The following IL1RAPL2 variants were observed in gnomAD, a reference collection of about 807,000 sequenced individuals.
IL1RAPL2 encodes the protein interleukin 1 receptor accessory protein like 2, also known as X-linked interleukin-1 receptor accessory protein-like 2.
IL1RAPL2 carries 3 observed loss-of-function variants against 44.1 expected under a neutral mutation model. The ratio of observed to expected loss-of-function variants is 0.07; its 90% CI spans 0.03 to 0.18. The LOEUF is 0.18. IL1RAPL2 is among the 10% of genes least tolerant of loss of function. The pLI, the probability that IL1RAPL2 is intolerant of heterozygous loss-of-function variation, is 1.00. For missense variants in IL1RAPL2, 391 were observed against 496.4 expected, an observed-to-expected ratio of 0.79 and a Z score of 2.02; for synonymous variants, 181 against 178.8, an observed-to-expected ratio of 1.01 and a Z score of -0.10.
At chrX:104,837,572 T>C (rs1194845429) in intron 2 of IL1RAPL2, among the ~76,000 whole-genome samples, 1 of 111,533 alleles carries the variant, frequency 9.0e-6, no homozygotes, top group Non-Finnish European at 1.9e-5. Context: ...TTTGATGGGG[T>C]TGTTTGTTTT....
At chrX:105,059,624 G>A (rs981905551) in intron 2 of IL1RAPL2, among the ~76,000 whole-genome samples, 5 of 111,033 alleles carry the variant, frequency 4.5e-5, no homozygotes, top group East Asian at 2.8e-4. Context: ...TCTGCCTCCC[G>A]GGTTCAAGTG....
At chrX:104,983,355 A>AT (rs1407881265) in intron 2 of IL1RAPL2, among the ~76,000 whole-genome samples, 3 of 101,035 alleles carry the variant, frequency 3.0e-5, no homozygotes, top group African/African-American at 1.1e-4. Context: ...TATATATATA[A>AT]AATATTTGCT....
intron 1 of IL1RAPL2, among the ~76,000 whole-genome samples, chrX:104,618,591 C>G (rs745985728): frequency 1.8e-5 from 2 of 111,338 alleles, no homozygotes; most frequent in East Asian, 5.7e-4. Context: ...GACCCCTGCA[C>G]CAATATTTCT....
At chrX:105,433,653 G>A (rs1029441864) in intron 5 of IL1RAPL2, among the ~76,000 whole-genome samples, 14 of 111,234 alleles carry the variant, frequency 1.3e-4, no homozygotes, top group African/African-American at 2.6e-4. Context: ...AGACAGTCCC[G>A]TGATTATTGT....
At chrX:105,419,399 A>G (rs1185468475) in intron 5 of IL1RAPL2, among the ~76,000 whole-genome samples, 1 of 111,790 alleles carries the variant, frequency 8.9e-6, no homozygotes, top group African/African-American at 3.2e-5. Context: ...TTTTACAGTC[A>G]CCACATACAC....
intron 2 of IL1RAPL2, among the ~76,000 whole-genome samples, chrX:104,889,032 G>C (rs377303293): frequency 1.8e-5 from 2 of 110,928 alleles, no homozygotes; most frequent in African/African-American, 6.6e-5. Context: ...CCCCATCAGC[G>C]TAATTACACC....
intron 5 of IL1RAPL2, among the ~76,000 whole-genome samples, chrX:105,417,299 C>A (rs924896601): frequency 7.2e-5 from 8 of 111,570 alleles, no homozygotes; most frequent in Admixed American, 9.5e-5. Context: ...ATGGTGAAAC[C>A]CCATCTCTAC....
At chrX:105,069,811 G>A (rs1051907660) in intron 2 of IL1RAPL2, among the ~76,000 whole-genome samples, 2 of 111,821 alleles carry the variant, frequency 1.8e-5, no homozygotes, top group African/African-American at 6.5e-5. Flanking sequence ...TTGATTTTCT[G>A]TTTCTTGCTT....
At position 105,254,123 on chromosome X, in the gene IL1RAPL2, G is replaced by A. The variant is rs1051612651; in HGVS notation, c.544-13265G>A. 7.2e-5 allele frequency among the ~76,000 whole-genome samples: 8 copies of A among 111,442 alleles called. No individual in the cohort carries two copies. In the Admixed American group the frequency reaches 7.6e-4, roughly 11 times the overall value. ...TTTCTGTTTTGCTCTTTGAGGAATC[G>A]CCATACTGCTTTCCACAATGGTTGA... On this transcript the variant is annotated intron_variant, in intron 4 of 10. Transcript: ENST00000372582.
At chrX:105,661,566 A>G (rs370970071) in intron 6 of IL1RAPL2, among the ~76,000 whole-genome samples, 7 of 112,661 alleles carry the variant, frequency 6.2e-5, no homozygotes, top group Non-Finnish European at 1.1e-4. Flanking sequence ...TTGAAATTAT[A>G]TTCAGAATCT....
At chrX:105,017,861 G>A (rs2031212314) in intron 2 of IL1RAPL2, among the ~76,000 whole-genome samples, 1 of 111,657 alleles carries the variant, frequency 9.0e-6, no homozygotes, top group Admixed American at 9.5e-5. Flanking sequence ...GGAAAAAAGT[G>A]ACTAAGAGCA....
chrX:104,590,099 C>T (rs1475073665), intron 1 of IL1RAPL2, among the ~76,000 whole-genome samples: 3 of 111,697 alleles, frequency 2.7e-5, no homozygotes, highest in Non-Finnish European at 5.6e-5. Flanking sequence ...GGCTGGAGTG[C>T]AGTGACATGA....
Position 105,183,895 on chromosome X carries a change from C to T in IL1RAPL2, c.83-11580C>T, listed in dbSNP as rs1556132301. On this transcript the variant is annotated intron_variant, in intron 2 of 10. Coordinates refer to ENST00000372582, the MANE Select transcript of IL1RAPL2 (RefSeq NM_017416.2). ...TCTTGAGGGCTGGCTCTCAACATGG[C>T]ACCATGGCACAGTTTCTTAGGTCTC... is the stretch of plus-strand genomic sequence containing the variant. Among the ~76,000 whole-genome samples the T allele has an allele frequency of 2.7e-5, 3 of 111,474 alleles. No individual in the cohort carries two copies. In the South Asian group the frequency reaches 1.1e-3, roughly 43 times the overall value.
chrX:105,293,738 A>G (rs906661464), intron 5 of IL1RAPL2, among the ~76,000 whole-genome samples: 9 of 111,102 alleles, frequency 8.1e-5, no homozygotes, highest in African/African-American at 2.6e-4. Context: ...TTCAATTTCT[A>G]AATATAATTC....
rs763386257 is a variant in IL1RAPL2 at position 104,581,224 on chromosome X, A to T, written c.-20+14173A>T. ...AGAAGCAAAAGGAGCAAAAGATTCA[A>T]ATTATGATCTTTATTAAGAAGGTAC... is the stretch of plus-strand genomic sequence containing the variant. On this transcript the variant is annotated intron_variant, in intron 1 of 10. Transcript: ENST00000372582. Among the ~76,000 whole-genome samples the T allele has an allele frequency of 4.5e-5, 5 of 112,029 alleles. No homozygotes were observed. The East Asian group carries it at 1.4e-3, about 31-fold the overall frequency.
At chrX:104,842,190 A>G (rs927314153) in intron 2 of IL1RAPL2, among the ~76,000 whole-genome samples, 27 of 108,752 alleles carry the variant, frequency 2.5e-4, no homozygotes, top group African/African-American at 7.4e-4. Context: ...AGCTATTGAT[A>G]CCTGTGTATG....
At chrX:105,378,978 A>G (rs2035408617) in intron 5 of IL1RAPL2, among the ~76,000 whole-genome samples, 1 of 111,789 alleles carries the variant, frequency 8.9e-6, no homozygotes, top group Non-Finnish European at 1.9e-5. Flanking sequence ...TATTTTTGCC[A>G]GTTACTTGTA....
chrX:104,620,070 T>TG (rs1188823360), intron 1 of IL1RAPL2, among the ~76,000 whole-genome samples: 1 of 111,498 alleles, frequency 9.0e-6, no homozygotes, highest in Non-Finnish European at 1.9e-5. Context: ...GCAGTATGGC[T>TG]GAAGAGTAGG....
At chrX:105,385,552 T>C (rs1325576961) in intron 5 of IL1RAPL2, among the ~76,000 whole-genome samples, 1 of 110,950 alleles carries the variant, frequency 9.0e-6, no homozygotes, top group Non-Finnish European at 1.9e-5. Context: ...AAAATAAATG[T>C]ATAAACTATA....
Sources: gnomAD v4.1 joint callset for allele counts (sites outside exome capture counted in the v4.1 genomes callset) on GRCh38, gnomAD v4.1.1 for gene constraint, MANE v1.5 for transcripts, NCBI Gene and HGNC (gene_info 2026-07-23, HGNC 2026-07-21) for gene names.